The following INPP5D variants were observed in gnomAD, a reference collection of about 807,000 sequenced individuals.
INPP5D encodes phosphatidylinositol 3,4,5-trisphosphate 5-phosphatase 1.
INPP5D carries 33 observed loss-of-function variants against 122.9 expected under a neutral mutation model. The observed-to-expected ratio is 0.27, with a 90% CI of 0.20 to 0.36. The LOEUF (loss-of-function observed/expected upper bound fraction) is 0.36. Among genes scored for constraint, INPP5D ranks in the 10% least tolerant of loss-of-function variants. The pLI is 1.00. For synonymous variants in INPP5D, 584 were observed against 576.2 expected, an observed-to-expected ratio of 1.01 and a Z score of -0.19; for missense variants, 1,053 against 1,412.7, an observed-to-expected ratio of 0.75 and a Z score of 4.08.
chr2:233,173,520 TACAA>T (rs1222603676), intron 17 of INPP5D, among the ~76,000 whole-genome samples: 4 of 152,222 alleles, frequency 2.6e-5, no homozygotes, highest in Non-Finnish European at 5.9e-5. Flanking sequence ...TAGCTTAAAA[TACAA>T]ACACATTGTA....
intron 2 of INPP5D, among the ~76,000 whole-genome samples, chr2:233,112,202 G>A (rs1034775954): frequency 3.9e-5 from 6 of 152,026 alleles, no homozygotes; most frequent in Admixed American, 1.3e-4. Context: ...TTTTGTTGTC[G>A]CTTCGACGGT....
intron 1 of INPP5D, among the ~76,000 whole-genome samples, chr2:233,079,022 G>A (rs1691601641): frequency 6.6e-6 from 1 of 152,092 alleles, no homozygotes; most frequent in African/African-American, 2.4e-5. Context: ...GCAGCCGAGA[G>A]GTTAAGAAAG....
At chr2:233,127,292 A>G (rs1396430847) in intron 4 of INPP5D, among the ~76,000 whole-genome samples, 1 of 152,154 alleles carries the variant, frequency 6.6e-6, no homozygotes, top group Non-Finnish European at 1.5e-5. Context: ...TTCTGTTCGG[A>G]GATGGGAATG....
chr2:233,182,736 C>G (rs531709514), intron 19 of INPP5D, among the ~76,000 whole-genome samples: 1 of 151,694 alleles, frequency 6.6e-6, no homozygotes, highest in South Asian at 2.1e-4. Flanking sequence ...AGTCTGAAAA[C>G]GTGGGTAAAT....
At chr2:233,116,504 T>C (rs1180290642) in intron 2 of INPP5D, among the ~76,000 whole-genome samples, 2 of 151,994 alleles carry the variant, frequency 1.3e-5, no homozygotes, top group Non-Finnish European at 2.9e-5. Context: ...CCCAAGCTGG[T>C]CTCCACCTCC....
chr2:233,166,981 C>T (rs556191871), intron 13 of INPP5D, among the ~76,000 whole-genome samples: 1 of 145,358 alleles, frequency 6.9e-6, no homozygotes, highest in Admixed American at 6.8e-5. Context: ...GAGACTCTAT[C>T]TCAAAAAAAA....
At chr2:233,199,716 C>T (rs1405052150) in intron 25 of INPP5D, among the ~76,000 whole-genome samples, 1 of 151,742 alleles carries the variant, frequency 6.6e-6, no homozygotes. Flanking sequence ...GTAGTCCCAG[C>T]TACTCGGGAG....
Position 233,183,363 on chromosome 2 carries a change from C to A in INPP5D, c.2161+864C>A, listed in dbSNP as rs1694832177. On this transcript the variant is annotated intron_variant, in intron 19 of 26. Coordinates refer to ENST00000445964, the MANE Select transcript of INPP5D (RefSeq NM_001017915.3). The surrounding 1 kb of genome is among the most constrained non-coding windows in gnomAD (Gnocchi z 4.6). ...GACACACGTGAGGCCGAAGCACTGT[C>A]TTCCTGGGGTGCTCTTATCTATCCT... is the stretch of plus-strand genomic sequence containing the variant. 6.6e-6 allele frequency among the ~76,000 whole-genome samples: 1 copy of A among 152,202 alleles called. No individual in the cohort carries two copies. Among genetic ancestry groups the A allele is most frequent in the Admixed American group, 6.5e-5 (1 of 15,288 alleles).
rs1170945239 is a variant in INPP5D, at chr2:233,145,621, G to A, written c.754-541G>A. Among the ~76,000 whole-genome samples, 4 of 151,820 alleles carry A rather than the reference G, an allele frequency of 2.6e-5. No homozygotes were observed. The East Asian group carries it at 7.7e-4, about 29-fold the overall frequency. ...CCTCCCAGGGGAAATTGAGTCTCTG[G>A]AGATTCCTCAGAAGGGAAGCTCAAG... On this transcript the variant is annotated intron_variant, in intron 6 of 26. Coordinates refer to ENST00000445964, the MANE Select transcript of INPP5D (RefSeq NM_001017915.3).
intron 13 of INPP5D, 110 bp from the exon 14 acceptor site, chr2:233,169,195 T>G (rs911395265): frequency 2.0e-6 from 3 of 1,496,534 alleles, no homozygotes; most frequent in Non-Finnish European, 2.7e-6. Context: ...GCCCATCCCT[T>G]GCCAGCTCCT....
intron 2 of INPP5D, among the ~76,000 whole-genome samples, chr2:233,081,133 C>A (rs748247835): frequency 6.6e-6 from 1 of 152,234 alleles, no homozygotes; most frequent in Non-Finnish European, 1.5e-5. Flanking sequence ...GTTGGCACAC[C>A]TAGTACGAGA....
intron 1 of INPP5D, among the ~76,000 whole-genome samples, chr2:233,069,747 A>G (rs1019268581): frequency 6.6e-6 from 1 of 152,232 alleles, no homozygotes; most frequent in African/African-American, 2.4e-5. Context: ...TTCTTCTATT[A>G]TCAGATATTT....
intron 2 of INPP5D, among the ~76,000 whole-genome samples, chr2:233,083,449 A>G (rs1439464972): frequency 1.3e-5 from 2 of 152,114 alleles, no homozygotes; most frequent in African/African-American, 2.4e-5. Context: ...CTCAGCTTGC[A>G]CTGCTTTTCC....
intron 2 of INPP5D, among the ~76,000 whole-genome samples, chr2:233,097,317 C>T (rs970292596): frequency 6.6e-6 from 1 of 152,172 alleles, no homozygotes; most frequent in Non-Finnish European, 1.5e-5. Flanking sequence ...GCTTGCCATG[C>T]ATTTTCTTTT....
intron 2 of INPP5D, among the ~76,000 whole-genome samples, chr2:233,108,669 T>C (rs1226479218): frequency 2.6e-5 from 4 of 152,150 alleles, no homozygotes; most frequent in Admixed American, 6.6e-5. Context: ...GCAGCCTGAC[T>C]ACCAGAAATT....
intron 11 of INPP5D, among the ~76,000 whole-genome samples, chr2:233,162,712 AGAG>A (rs1694228327): frequency 6.6e-6 from 1 of 152,172 alleles, no homozygotes; most frequent in Non-Finnish European, 1.5e-5. Flanking sequence ...TCTGGGAGGA[AGAG>A]GGTGAGCAGT....
chr2:233,099,929 T>A (rs143231530), intron 2 of INPP5D, among the ~76,000 whole-genome samples: 314 of 152,134 alleles, frequency 2.1e-3, no homozygotes, highest in Admixed American at 3.5e-3. Context: ...GAAGGGCACA[T>A]CTCATGTGGC....
chr2:233,168,005 C>CAAAAAA (rs58025565), intron 13 of INPP5D, among the ~76,000 whole-genome samples: 16 of 72,704 alleles, frequency 2.2e-4, no homozygotes, highest in East Asian at 9.1e-4. Context: ...ACTCTGTCTC[C>CAAAAAA]AAAAAAAAAA....
rs1695227422 is a variant in INPP5D, at chr2:233,197,983, TGAG to T, written c.2694-108_2694-106del. On this transcript the variant is annotated intron_variant, in intron 24 of 26. Transcript: ENST00000445964. The surrounding 1 kb of genome is among the most constrained non-coding windows in gnomAD (Gnocchi z 4.4). The stretch of plus-strand genomic sequence containing the variant: ...ATCACTGCCCAAGAGGTGAAGGAGT[TGAG>T]GAGAGCTCGAGAGAGCCCTAGGGTT... 1.4e-6 allele frequency: 2 copies of T among 1,396,600 alleles called. No homozygotes were observed. Among genetic ancestry groups the T allele is most frequent in the Non-Finnish European group, 1.9e-6 (2 of 1,064,906 alleles). 86.5% of individuals were successfully genotyped at this position (1,396,600 alleles called of 1,614,324 possible). A position where few individuals can be genotyped will look rare whatever the true frequency, so the allele number is the denominator to read the frequency against.
Sources: allele counts gnomAD v4.1 joint callset (sites outside exome capture counted in the v4.1 genomes callset), GRCh38; gene constraint gnomAD v4.1.1; non-coding constraint Gnocchi (gnomAD v3.1); transcripts MANE v1.5; gene names NCBI Gene and HGNC (gene_info 2026-07-23, HGNC 2026-07-21).